Variants in POLA1 observed in about 807,000 individuals in gnomAD.
POLA1 encodes the protein DNA polymerase alpha catalytic subunit.
In POLA1, 15 loss-of-function variants were observed where a neutral mutation model predicts 124.0. That is an observed-to-expected ratio of 0.12 (90% CI 0.08 to 0.19). The LOEUF (loss-of-function observed/expected upper bound fraction) is 0.19. Ranked by LOEUF, POLA1 falls within the 10% of genes least tolerant of loss-of-function variation. The pLI is 1.00. For synonymous variants in POLA1, 408 were observed against 389.4 expected, an observed-to-expected ratio of 1.05 and a Z score of -0.56; for missense variants, 886 against 1,103.4, an observed-to-expected ratio of 0.80 and a Z score of 2.79.
Position 24,821,554 on chromosome X carries a change from G to A in POLA1, c.3532G>A (p.Gly1178Arg). The A allele has an allele frequency of 8.3e-7, 1 of 1,200,936 alleles. No individual in the cohort carries two copies. The highest frequency in any genetic ancestry group is 1.1e-6 in the Non-Finnish European group (1 of 886,557). Residue 1178 changes from glycine to arginine, a missense_variant, in exon 31 of 37, where the codon GGA becomes AGA. Coordinates refer to ENST00000379068, the MANE Select transcript of POLA1 (RefSeq NM_001330360.2). ...NSQGGRKVKA[G>R]DTVSYVICQD... ...TCAAGGAGGCAGAAAGGTGAAAGCT[G>A]GAGATACTGTGTCATATGTCATCTG...
intron 36 of POLA1, among the ~76,000 whole-genome samples, chrX:24,967,562 G>A (rs766478449): frequency 4.9e-4 from 54 of 110,711 alleles, no homozygotes; most frequent in Non-Finnish European, 8.5e-4. Context: ...TTGTGGGACT[G>A]CAACAGGAGG....
intron 34 of POLA1, among the ~76,000 whole-genome samples, chrX:24,867,201 C>T (rs1318908735): frequency 9.0e-6 from 1 of 110,870 alleles, no homozygotes; most frequent in Non-Finnish European, 1.9e-5. Flanking sequence ...GTAGGTCAGC[C>T]AATAAATTGA....
intron 34 of POLA1, among the ~76,000 whole-genome samples, chrX:24,846,144 T>C (rs867827965): frequency 8.9e-6 from 1 of 112,202 alleles, no homozygotes; most frequent in African/African-American, 3.2e-5. Context: ...CTAAATATGA[T>C]ATAACAAATA....
chrX:24,920,412 T>C (rs1369266802), intron 35 of POLA1, among the ~76,000 whole-genome samples: 1 of 111,020 alleles, frequency 9.0e-6, no homozygotes, highest in Non-Finnish European at 1.9e-5. Flanking sequence ...AACTATAACC[T>C]GAATGTGACA....
chrX:24,734,002 A>G, intron 17 of POLA1, 186 bp downstream of exon 17: 1 of 318,555 alleles, frequency 3.1e-6, no homozygotes, highest in Middle Eastern at 7.9e-4. Flanking sequence ...CAATGTTTAA[A>G]TGTTTTACTA....
At chrX:24,894,714 C>A (rs2047183346) in intron 35 of POLA1, among the ~76,000 whole-genome samples, 1 of 111,679 alleles carries the variant, frequency 9.0e-6, no homozygotes, top group African/African-American at 3.3e-5. Context: ...TAAGGCCCAG[C>A]CTAATTCACT....
rs11573457 is a variant in POLA1, at chrX:24,887,241, T to A, written c.4048-765T>A. 1.5e-3 allele frequency among the ~76,000 whole-genome samples: 165 copies of A among 112,070 alleles called. 4 individuals are homozygous for A. In the South Asian group the frequency reaches 0.061, roughly 42 times the overall value. On this transcript the variant is annotated intron_variant, in intron 34 of 36. Coordinates refer to ENST00000379068, the MANE Select transcript of POLA1 (RefSeq NM_001330360.2). ...TAGGTATATTCTTATCACATCACTA[T>A]GAGAAAATTCAAACAAGATCAGCAA...
chrX:24,742,513 A>G (rs1390805806), intron 22 of POLA1, among the ~76,000 whole-genome samples: 1 of 112,267 alleles, frequency 8.9e-6, no homozygotes, highest in Non-Finnish European at 1.9e-5. Context: ...TAGTATGACC[A>G]AGGTCACCCA....
chrX:24,919,201 A>G (rs2047577184), intron 35 of POLA1, among the ~76,000 whole-genome samples: 1 of 112,027 alleles, frequency 8.9e-6, no homozygotes, highest in South Asian at 3.8e-4. Flanking sequence ...CCTTGGCTTT[A>G]CTTAGCTCCT....
At chrX:24,955,964 C>A (rs2048101231) in intron 36 of POLA1, among the ~76,000 whole-genome samples, 2 of 112,084 alleles carry the variant, frequency 1.8e-5, no homozygotes, top group African/African-American at 6.5e-5. Context: ...TAACTCCTCT[C>A]TTCTCTATCG....
intron 35 of POLA1, among the ~76,000 whole-genome samples, chrX:24,903,875 A>G (rs2047317227): frequency 9.1e-6 from 1 of 109,771 alleles, no homozygotes; most frequent in South Asian, 4.0e-4. Flanking sequence ...AAAAGTAAAC[A>G]GTAGCAGGTA....
intron 34 of POLA1, among the ~76,000 whole-genome samples, chrX:24,880,935 C>T (rs1445915699): frequency 8.9e-6 from 1 of 111,782 alleles, no homozygotes; most frequent in Non-Finnish European, 1.9e-5. Flanking sequence ...CAGACCCCGT[C>T]CTGTGACCCT....
intron 26 of POLA1, among the ~76,000 whole-genome samples, chrX:24,757,379 A>G (rs929228952): frequency 1.8e-5 from 2 of 109,734 alleles, no homozygotes. Flanking sequence ...ATATACCATT[A>G]AAAATACAGG....
chrX:24,988,329 C>T (rs762117017), intron 36 of POLA1, among the ~76,000 whole-genome samples: 3 of 112,505 alleles, frequency 2.7e-5, no homozygotes, highest in Non-Finnish European at 1.9e-5. Context: ...CACTCTAATC[C>T]GTCAGCCTGT....
At chrX:24,893,280 CTT>C (rs924043004) in intron 35 of POLA1, among the ~76,000 whole-genome samples, 5 of 112,065 alleles carry the variant, frequency 4.5e-5, no homozygotes, top group African/African-American at 1.6e-4. Flanking sequence ...CATGAAGGGT[CTT>C]TTGGAGCTCT....
chrX:24,772,020 G>A (rs762385436), intron 26 of POLA1, among the ~76,000 whole-genome samples: 1 of 111,597 alleles, frequency 9.0e-6, no homozygotes, highest in East Asian at 2.8e-4. Context: ...ACTTACTGTG[G>A]ATTATAGTTC....
intron 36 of POLA1, among the ~76,000 whole-genome samples, chrX:24,966,315 C>T (rs1023382987): frequency 2.7e-5 from 3 of 111,264 alleles, no homozygotes; most frequent in African/African-American, 9.8e-5. Flanking sequence ...GTAAATGTAC[C>T]TGAGGTACAT....
intron 26 of POLA1, among the ~76,000 whole-genome samples, chrX:24,783,817 T>C (rs2045311393): frequency 9.0e-6 from 1 of 111,595 alleles, no homozygotes; most frequent in Admixed American, 9.5e-5. Context: ...GGTGGCTATT[T>C]AAATAAATTA....
At chrX:24,919,380 C>T (rs1463881969) in intron 35 of POLA1, among the ~76,000 whole-genome samples, 1 of 111,030 alleles carries the variant, frequency 9.0e-6, no homozygotes, top group African/African-American at 3.3e-5. Flanking sequence ...TGCCAGATAC[C>T]GTACTGTTTC....
Sources: allele counts gnomAD v4.1 joint callset (sites outside exome capture counted in the v4.1 genomes callset), GRCh38; gene constraint gnomAD v4.1.1; transcripts MANE v1.5; gene names NCBI Gene and HGNC (gene_info 2026-07-23, HGNC 2026-07-21).